Variants in LSMEM2 observed in about 807,000 individuals in gnomAD.
The protein encoded by LSMEM2 is leucine-rich single-pass membrane protein 2.
Under a neutral mutation model 17.3 loss-of-function variants are expected in LSMEM2, and 20 were observed. The ratio of observed to expected loss-of-function variants is 1.16; its 90% confidence interval spans 0.81 to 1.68. LSMEM2 has a LOEUF of 1.68. Ranked by LOEUF, LSMEM2 falls within the 40% of genes most tolerant of loss-of-function variation. The probability of loss-of-function intolerance (pLI) is 0.00; values close to 1 mark genes in which losing one functional copy is unlikely to be tolerated. For synonymous variants in LSMEM2, 94 were observed against 97.8 expected, an observed-to-expected ratio of 0.96 and a Z score of 0.23; for missense variants, 207 against 214.3, an observed-to-expected ratio of 0.97 and a Z score of 0.21.
intron 1 of LSMEM2, among the ~76,000 whole-genome samples, chr3:50,283,349 C>T (rs1366454190): frequency 2.6e-5 from 4 of 152,006 alleles, no homozygotes; most frequent in East Asian, 3.9e-4. Flanking sequence ...AAAAATTGGC[C>T]GGGCGCGGTG....
At chr3:50,278,161 C>T (rs1002743396), upstream of LSMEM2, among the ~76,000 whole-genome samples, 9 of 152,236 alleles carry the variant, frequency 5.9e-5, no homozygotes, top group East Asian at 1.7e-3. Flanking sequence ...ATCAGGGAGG[C>T]CAGTGTGAGA....
At chr3:50,281,325 G>T (rs1553707743) in intron 1 of LSMEM2, among the ~76,000 whole-genome samples, 1 of 148,884 alleles carries the variant, frequency 6.7e-6, no homozygotes, top group East Asian at 2.0e-4. Context: ...CTTCCAAAGT[G>T]CTGGGATTAC....
intron 1 of LSMEM2, among the ~76,000 whole-genome samples, chr3:50,286,040 A>C (rs1192884432): frequency 6.6e-6 from 1 of 152,252 alleles, no homozygotes; most frequent in African/African-American, 2.4e-5. Context: ...CAAACACAGA[A>C]CCAAGGCCAG....
In LSMEM2 at chr3:50,287,777, A is replaced by C. The variant is rs1188034580; in HGVS notation, c.*575A>C. ...CCGTTCTGTTTAATTATCTGTAATA[A>C]TCCTTAAAAATCAGCACACAAATCC... On this transcript the variant is annotated 3_prime_UTR_variant, in exon 4 of 4. Coordinates refer to ENST00000316436, the MANE Select transcript of LSMEM2 (RefSeq NM_153215.3). 1 of 233,280 alleles carries C rather than the reference A, an allele frequency of 4.3e-6. No individual in the cohort carries two copies. Among genetic ancestry groups the C allele is most frequent in the Non-Finnish European group, 8.5e-6 (1 of 117,364 alleles). The allele number at this position is 233,280 out of a possible 1,614,324, so 14.5% of individuals were successfully genotyped here. A position where few individuals can be genotyped will look rare whatever the true frequency, so the allele number is the denominator to read the frequency against.
chr3:50,286,733 G>A lies in LSMEM2; in HGVS notation c.232G>A (p.Val78Ile), dbSNP rs151106412. 2.0e-4 allele frequency: 321 copies of A among 1,614,216 alleles called. No homozygotes were observed. Among genetic ancestry groups the A allele is most frequent in the Admixed American group, 7.5e-4 (45 of 60,028 alleles). The change falls in exon 3 of 4, where the codon GTT (valine) becomes ATT (isoleucine). Residue 78 changes from valine to isoleucine, a missense_variant. Physicochemically the swap from Val to Ile is conservative, Grantham distance 29 (BLOSUM62 3). Transcript: ENST00000316436. The stretch of plus-strand genomic sequence containing the variant: ...ACGACCGTGGGATGAGCTGCTGGGC[G>A]TTTTGCCGCCGTCACTGTGTGCCCA... ...EARPWDELLGVLPPSLCAQAG... is the reference protein window; with the variant it reads ...EARPWDELLGILPPSLCAQAG...
At chr3:50,286,431 G>A (rs1553708428) in intron 1 of LSMEM2, 40 bp from the exon 2 acceptor site, 1 of 1,548,972 alleles carries the variant, frequency 6.5e-7, no homozygotes, top group Admixed American at 2.0e-5. Context: ...GAAGGGGGTT[G>A]ACCCACCACT....
Position 50,287,182 on chromosome 3 carries a change from G to A in LSMEM2, c.475G>A (p.Glu159Lys), listed in dbSNP as rs377450649. ...LSQLRRLNSSEAQAPS is the reference protein window; with the variant it reads ...LSQLRRLNSSKAQAPS ...CCAGCTTCGGAGGCTCAACTCCAGTGAGGCCCAAGCACCCAGCTGAGATGC... is the reference window on the plus strand; with the variant it reads ...CCAGCTTCGGAGGCTCAACTCCAGTAAGGCCCAAGCACCCAGCTGAGATGC... The change falls in exon 4 of 4, where the codon GAG becomes AAG. Residue 159 changes from glutamate (E) to lysine (K), a missense_variant. Glu to Lys is a moderately conservative substitution (Grantham distance 56, BLOSUM62 1). Transcript: ENST00000316436. The A allele has an allele frequency of 6.2e-7, 1 of 1,614,014 alleles. No homozygotes were observed. Among genetic ancestry groups the A allele is most frequent in the Non-Finnish European group, 8.5e-7 (1 of 1,179,996 alleles).
chr3:50,283,649 A>T (rs1701450895), intron 1 of LSMEM2, among the ~76,000 whole-genome samples: 1 of 147,726 alleles, frequency 6.8e-6, no homozygotes, highest in African/African-American at 2.5e-5. Context: ...AAAAAAAAAA[A>T]TTTGCAGGGT....
At chr3:50,279,269 T>G in intron 1 of LSMEM2, 98 bp downstream of exon 1, 1 of 1,136,770 alleles carries the variant, frequency 8.8e-7, no homozygotes, top group South Asian at 1.3e-5. Context: ...CTCACTGTCT[T>G]GAGTAGTTAG....
At chr3:50,280,920 G>A (rs1450387522) in intron 1 of LSMEM2, among the ~76,000 whole-genome samples, 1 of 152,026 alleles carries the variant, frequency 6.6e-6, no homozygotes, top group Non-Finnish European at 1.5e-5. Flanking sequence ...AAAGTGCTGG[G>A]ATTAGAGGCA....
rs58315474 is a variant in LSMEM2 at position 50,280,595 on chromosome 3, CT to C, written c.58+1440del. On this transcript the variant is annotated intron_variant, in intron 1 of 3. Coordinates refer to ENST00000316436, the MANE Select transcript of LSMEM2 (RefSeq NM_153215.3). Reference sequence around the variant, plus strand: ...ATCCTCCCACCTTGGCCTTTCTTTTCTTTTTTTTTTTTTTTTGAGATGGAGT... The same window carrying C: ...ATCCTCCCACCTTGGCCTTTCTTTTCTTTTTTTTTTTTTTTGAGATGGAGT... Among the ~76,000 whole-genome samples the C allele has an allele frequency of 9.9e-3, 1,348 of 136,278 alleles. 104 individuals carry two copies. The East Asian group carries it at 0.23, about 23-fold the overall frequency. 89.4% of individuals were successfully genotyped at this position (136,278 alleles called of 152,430 possible). A position where few individuals can be genotyped will look rare whatever the true frequency, so the allele number is the denominator to read the frequency against.
intron 1 of LSMEM2, among the ~76,000 whole-genome samples, chr3:50,282,164 T>C (rs1236243749): frequency 6.6e-6 from 1 of 152,134 alleles, no homozygotes; most frequent in East Asian, 1.9e-4. Flanking sequence ...AATCTTTGAT[T>C]TTTTTGTAGA....
At chr3:50,285,025 G>C (rs1701482879) in intron 1 of LSMEM2, among the ~76,000 whole-genome samples, 1 of 151,156 alleles carries the variant, frequency 6.6e-6, no homozygotes. Context: ...AACAGAGCAA[G>C]ACTCTGTCTC....
intron 1 of LSMEM2, among the ~76,000 whole-genome samples, chr3:50,282,922 C>A (rs187982515): frequency 2.6e-5 from 4 of 152,214 alleles, no homozygotes; most frequent in African/African-American, 9.6e-5. Context: ...CATGGTGGCT[C>A]ATGCCTGTAA....
At position 50,279,123 on chromosome 3, in the gene LSMEM2, T is replaced by C. The variant is rs146311664; in HGVS notation, c.10T>C (p.Leu4=). 2.6e-5 allele frequency: 42 copies of C among 1,614,186 alleles called. No individual in the cohort carries two copies. In the Middle Eastern group the frequency reaches 8.2e-4, roughly 32 times the overall value. MPS[L]APDCPLLAMP... ...CCAGTCCTGCTACTGGATGCCATCATTGGCCCCCGACTGCCCACTGCTTGC... is the reference window on the plus strand; with the variant it reads ...CCAGTCCTGCTACTGGATGCCATCACTGGCCCCCGACTGCCCACTGCTTGC... The change falls in exon 1 of 4, where the codon TTG becomes CTG. Residue 4 remains leucine, a synonymous_variant. Transcript: ENST00000316436.
In LSMEM2 at chr3:50,279,170, A is replaced by G. The variant is rs1553707482; in HGVS notation, c.57A>G (p.Glu19=). ...TTGCCATGCCTGAGGAGACCCAAGA[A>G]GGTAGGAGAGGGTGACCATGAGGGA... ...PLLAMPEETQ[E]DSVAPMMPSQ... Residue 19 remains glutamate, a splice_region_variant and synonymous_variant, in exon 1 of 4, where the codon GAA becomes GAG. Transcript: ENST00000316436. 36 of 1,613,954 alleles carry G rather than the reference A, an allele frequency of 2.2e-5. No individual in the cohort carries two copies. The highest frequency in any genetic ancestry group is 2.9e-5 in the Non-Finnish European group (34 of 1,179,956).
At position 50,286,518 on chromosome 3, in the gene LSMEM2, G is replaced by GC. The variant is rs781998931; in HGVS notation, c.111dup (p.Asn38GlnfsTer5). On this transcript the variant is annotated frameshift_variant, in exon 2 of 4. Coordinates refer to ENST00000316436, the MANE Select transcript of LSMEM2 (RefSeq NM_153215.3). LOFTEE classifies it high-confidence loss of function. Reference sequence around the variant, plus strand: ...CAGCCAGAGGAGCAGGGGGCCATTGGCCCCCAACCACGTGCATGAGGTATG... The same window carrying GC: ...CAGCCAGAGGAGCAGGGGGCCATTGGCCCCCCAACCACGTGCATGAGGTATG... The GC allele has an allele frequency of 1.3e-5, 21 of 1,611,378 alleles. No individual in the cohort carries two copies. The South Asian group carries it at 1.3e-4, about 10-fold the overall frequency.
intron 1 of LSMEM2, among the ~76,000 whole-genome samples, chr3:50,281,971 G>A (rs1701411347): frequency 6.6e-6 from 1 of 152,076 alleles, no homozygotes; most frequent in Non-Finnish European, 1.5e-5. Context: ...CCTGCCTTCA[G>A]CCTCCTGAGT....
At chr3:50,284,901 T>G (rs782791942) in intron 1 of LSMEM2, among the ~76,000 whole-genome samples, 1 of 151,688 alleles carries the variant, frequency 6.6e-6, no homozygotes, top group Admixed American at 6.6e-5. Context: ...CAGGGCGTGG[T>G]GGCACACATC....
Sources: allele counts gnomAD v4.1 joint callset (sites outside exome capture counted in the v4.1 genomes callset), GRCh38; gene constraint gnomAD v4.1.1; transcripts MANE v1.5; gene names NCBI Gene and HGNC (gene_info 2026-07-23, HGNC 2026-07-21).